PRR33: variants seen among roughly 807,000 people sequenced by gnomAD.
The protein encoded by PRR33 is proline-rich protein 33.
Under a neutral mutation model 0.5 loss-of-function variants are expected in PRR33, and 1 was observed. The observed-to-expected ratio is 2.18, with a 90% confidence interval of 0.77 to 10.34. The LOEUF (loss-of-function observed/expected upper bound fraction) is 10.34, where lower values mean the gene tolerates loss of function less well. Ranked by LOEUF, PRR33 falls within the 30% of genes most tolerant of loss-of-function variation. PRR33 has a pLI of 0.13. For synonymous variants in PRR33, 226 were observed against 110.0 expected (o/e 2.06, Z -6.60); for missense variants, 552 against 251.8 (o/e 2.19, Z -8.07).
chr11:1,905,122 C>CTTTTT, the PRR33 span, among the ~76,000 whole-genome samples: 7 of 96,556 alleles, frequency 7.2e-5, no homozygotes, highest in East Asian at 2.9e-4. Context: ...CTTGAGAATT[C>CTTTTT]TTTTTTTTTT....
the PRR33 span, among the ~76,000 whole-genome samples, chr11:1,913,200 G>A: frequency 2.6e-5 from 4 of 151,738 alleles, no homozygotes; most frequent in Non-Finnish European, 4.4e-5. Context: ...GCACAATTTC[G>A]GCTCACAAAC....
At chr11:1,897,440 T>C in the PRR33 span, among the ~76,000 whole-genome samples, 1 of 152,224 alleles carries the variant, frequency 6.6e-6, no homozygotes, top group Non-Finnish European at 1.5e-5. The surrounding 1 kb of genome is among the most constrained non-coding windows in gnomAD (Gnocchi z 4.0). Context: ...TGGAATTTCA[T>C]GTGCTCAGAA....
chr11:1,913,318 T>G, the PRR33 span, among the ~76,000 whole-genome samples: 1 of 151,516 alleles, frequency 6.6e-6, no homozygotes, highest in African/African-American at 2.4e-5. Flanking sequence ...TTTTTTTGTT[T>G]TTTTTTTAGT....
chr11:1,895,440 A>G (rs991776834), upstream of PRR33, among the ~76,000 whole-genome samples: 1 of 152,144 alleles, frequency 6.6e-6, no homozygotes, highest in Non-Finnish European at 1.5e-5. Context: ...TTCTTTGTAT[A>G]TATTCTGAAT....
the PRR33 span, among the ~76,000 whole-genome samples, chr11:1,898,846 C>T: frequency 1.3e-5 from 2 of 152,058 alleles, no homozygotes; most frequent in African/African-American, 2.4e-5. Context: ...ACTAAAAATA[C>T]AAAAATTAGC....
At chr11:1,889,166 C>A (rs560079678) in exon 1 of PRR33, 3 of 671,310 alleles carry the variant, frequency 4.5e-6, no homozygotes, top group Non-Finnish European at 8.3e-6. Flanking sequence ...TCCAGCCAGT[C>A]GCTGTGCGGT....
At chr11:1,905,152 A>T in the PRR33 span, among the ~76,000 whole-genome samples, 3,590 of 113,668 alleles carry the variant, frequency 0.032, 68 homozygotes, top group Middle Eastern at 0.06. Context: ...TTGGAGACCG[A>T]GTCTTGCTCT....
the PRR33 span, among the ~76,000 whole-genome samples, chr11:1,902,188 C>T: frequency 2.7e-5 from 4 of 150,854 alleles, no homozygotes; most frequent in African/African-American, 4.9e-5. Context: ...GCAGAGATCG[C>T]GCCACTGCAC....
the PRR33 span, among the ~76,000 whole-genome samples, chr11:1,913,000 T>C: frequency 3.9e-5 from 6 of 152,248 alleles, no homozygotes; most frequent in East Asian, 1.2e-3. Context: ...TCCATTGCTT[T>C]CTTTCCCTTG....
chr11:1,890,018 T>C (rs1247497593), exon 1 of PRR33: 1 of 678,186 alleles, frequency 1.5e-6, no homozygotes. Context: ...TCCCATTGTG[T>C]GGGGATGGTG....
At chr11:1,915,218 T>G in the PRR33 span, among the ~76,000 whole-genome samples, 1 of 140,922 alleles carries the variant, frequency 7.1e-6, no homozygotes, top group African/African-American at 2.7e-5. Context: ...GTGTGTCTTG[T>G]GGGGTGTACA....
At chr11:1,893,353 G>A (rs1021983107), upstream of PRR33, among the ~76,000 whole-genome samples, 23 of 151,702 alleles carry the variant, frequency 1.5e-4, no homozygotes, top group Admixed American at 1.3e-3. Context: ...GGGTAAGCAG[G>A]TGGGTGGATG....
chr11:1,895,775 C>T (rs1250018754), upstream of PRR33, among the ~76,000 whole-genome samples: 1 of 152,120 alleles, frequency 6.6e-6, no homozygotes, highest in Non-Finnish European at 1.5e-5. Context: ...TCCAGTTGTT[C>T]CAGAATATGA....
the PRR33 span, among the ~76,000 whole-genome samples, chr11:1,900,931 T>C: frequency 6.6e-6 from 1 of 152,240 alleles, no homozygotes. Flanking sequence ...TCGTCTTTGT[T>C]TTAAACTATA....
chr11:1,904,952 T>G, the PRR33 span, among the ~76,000 whole-genome samples: 11 of 152,068 alleles, frequency 7.2e-5, no homozygotes, highest in African/African-American at 2.7e-4. Context: ...CTGATATTCT[T>G]AAAGAACCAA....
chr11:1,899,362 CAGTCTT>C, the PRR33 span, among the ~76,000 whole-genome samples: 1 of 152,154 alleles, frequency 6.6e-6, no homozygotes, highest in Non-Finnish European at 1.5e-5. Flanking sequence ...GTGGCAAGGG[CAGTCTT>C]TCTGTGATAC....
chr11:1,904,361 T>A, the PRR33 span, among the ~76,000 whole-genome samples: 1 of 151,960 alleles, frequency 6.6e-6, no homozygotes, highest in Middle Eastern at 3.4e-3. Context: ...AAACCCCGTC[T>A]CTACTAAAAT....
exon 1 of PRR33, chr11:1,890,584 T>C (rs1044251077): frequency 3.4e-5 from 24 of 706,564 alleles, no homozygotes; most frequent in South Asian, 2.8e-4. Flanking sequence ...GATATGAGCA[T>C]GACTGTGTCC....
At chr11:1,904,062 C>G in the PRR33 span, among the ~76,000 whole-genome samples, 1 of 152,330 alleles carries the variant, frequency 6.6e-6, no homozygotes, top group Middle Eastern at 3.4e-3. Flanking sequence ...TCAGATGGCT[C>G]AAAACACACA....
Sources: allele counts gnomAD v4.1 joint callset (sites outside exome capture counted in the v4.1 genomes callset), GRCh38; gene constraint gnomAD v4.1.1; non-coding constraint Gnocchi (gnomAD v3.1); transcripts MANE v1.5; gene names NCBI Gene and HGNC (gene_info 2026-07-23, HGNC 2026-07-21).